The following LRMDA variants were observed in gnomAD, a reference collection of about 807,000 sequenced individuals.
LRMDA encodes the protein leucine rich melanocyte differentiation associated.
In LRMDA, 18 loss-of-function variants were observed where a neutral mutation model predicts 29.8. That is an observed-to-expected ratio of 0.60 (90% confidence interval 0.42 to 0.90). LRMDA has a LOEUF of 0.90. LRMDA is among the 40% of genes least tolerant of loss of function. The pLI, the probability that LRMDA is intolerant of heterozygous loss-of-function variation, is 0.00. For synonymous variants in LRMDA, 125 were observed against 109.4 expected (o/e 1.14, Z -0.89); for missense variants, 273 against 273.9 (o/e 1.00, Z 0.02).
chr10:75,630,906 C>A (rs924646908), intron 2 of LRMDA, among the ~76,000 whole-genome samples: 1 of 152,206 alleles, frequency 6.6e-6, no homozygotes, highest in South Asian at 2.1e-4. Flanking sequence ...TTTCCCCATC[C>A]GGAGTTTGCC....
chr10:76,297,380 G>A (rs1306135866), intron 5 of LRMDA, among the ~76,000 whole-genome samples: 2 of 152,192 alleles, frequency 1.3e-5, no homozygotes, highest in African/African-American at 4.8e-5. Flanking sequence ...GGGATACAGG[G>A]AATTTGTAGT....
chr10:75,903,461 GCAAATAA>G (rs1389651191), intron 2 of LRMDA, among the ~76,000 whole-genome samples: 2 of 152,222 alleles, frequency 1.3e-5, no homozygotes, highest in African/African-American at 4.8e-5. Flanking sequence ...AGCCATAAAA[GCAAATAA>G]AATCACTTCG....
chr10:76,450,853 T>A (rs1156255145), intron 6 of LRMDA, among the ~76,000 whole-genome samples: 2 of 152,214 alleles, frequency 1.3e-5, no homozygotes, highest in Non-Finnish European at 2.9e-5. Context: ...AGAGTCTGTT[T>A]TACAGAGTTT....
At chr10:75,980,918 C>T (rs760027596) in intron 2 of LRMDA, among the ~76,000 whole-genome samples, 2 of 152,144 alleles carry the variant, frequency 1.3e-5, no homozygotes, top group East Asian at 1.9e-4. Context: ...CCTTTGGTAA[C>T]GTGTGTGCGT....
At chr10:75,641,703 A>G (rs1841455928) in intron 2 of LRMDA, among the ~76,000 whole-genome samples, 1 of 152,056 alleles carries the variant, frequency 6.6e-6, no homozygotes, top group African/African-American at 2.4e-5. Context: ...GCCTTCCAAA[A>G]TGCTCAGATT....
At chr10:75,722,839 G>A (rs1356535245) in intron 2 of LRMDA, among the ~76,000 whole-genome samples, 1 of 152,184 alleles carries the variant, frequency 6.6e-6, no homozygotes, top group African/African-American at 2.4e-5. Flanking sequence ...TAAAACAGGA[G>A]CCAAGTTGGT....
chr10:76,005,253 A>G (rs553567624), intron 2 of LRMDA, among the ~76,000 whole-genome samples: 45 of 152,310 alleles, frequency 3.0e-4, no homozygotes, highest in Admixed American at 1.3e-3. Context: ...CTGATACATT[A>G]TGCATGTCTT....
rs531088492 is a variant in LRMDA at position 76,230,677 on chromosome 10, C to A, written c.517-93724C>A. 7.9e-5 allele frequency among the ~76,000 whole-genome samples: 12 copies of A among 152,076 alleles called. No homozygotes were observed. The South Asian group carries it at 2.5e-3, about 32-fold the overall frequency. The stretch of plus-strand genomic sequence containing the variant: ...CATATTCTTTATCTGAGCTGTCTTG[C>A]AATACTTTTAATATAATTAAAAGCA... On this transcript the variant is annotated intron_variant, in intron 5 of 6. Coordinates refer to ENST00000611255, the MANE Select transcript of LRMDA (RefSeq NM_001305581.2).
At chr10:75,524,762 A>T (rs1246173673) in intron 2 of LRMDA, among the ~76,000 whole-genome samples, 1 of 151,972 alleles carries the variant, frequency 6.6e-6, no homozygotes, top group Admixed American at 6.6e-5. Context: ...TTTTGTTCTT[A>T]TTTTTTTGGT....
intron 2 of LRMDA, among the ~76,000 whole-genome samples, chr10:75,631,578 G>T (rs1289846993): frequency 6.6e-6 from 1 of 152,014 alleles, no homozygotes; most frequent in African/African-American, 2.4e-5. Flanking sequence ...CAGCTTGGAC[G>T]GAGTGTTGCT....
intron 6 of LRMDA, among the ~76,000 whole-genome samples, chr10:76,419,090 A>G (rs140868424): frequency 6.6e-5 from 10 of 152,244 alleles, no homozygotes; most frequent in African/African-American, 2.2e-4. Context: ...ACACATTATT[A>G]TCACCCAAAG....
Position 75,917,567 on chromosome 10 carries a change from GGA to G in LRMDA, c.132-118437_132-118436del, listed in dbSNP as rs542033992. 3.9e-5 allele frequency among the ~76,000 whole-genome samples: 6 copies of G among 152,300 alleles called. 1 individual carries two copies. In the South Asian group the frequency reaches 1.2e-3, roughly 32 times the overall value. On this transcript the variant is annotated intron_variant, in intron 2 of 6. Transcript: ENST00000611255. ...CAGAACAAGGCTAAATCCGGAATCGGGAGAGTGTGACAAATATCAACGAATGG... is the reference window on the plus strand; with the variant it reads ...CAGAACAAGGCTAAATCCGGAATCGGGAGTGTGACAAATATCAACGAATGG...
intron 2 of LRMDA, among the ~76,000 whole-genome samples, chr10:76,002,857 G>A (rs1847584288): frequency 6.6e-6 from 1 of 152,208 alleles, no homozygotes; most frequent in South Asian, 2.1e-4. Context: ...AGAGTGGGCT[G>A]AGAGGCCCAG....
At chr10:76,006,461 A>G (rs527833469) in intron 2 of LRMDA, among the ~76,000 whole-genome samples, 72 of 152,256 alleles carry the variant, frequency 4.7e-4, no homozygotes, top group Non-Finnish European at 8.8e-4. Context: ...AAACCAAGTA[A>G]ACTAACTATT....
At chr10:75,523,255 T>C (rs77511396) in intron 2 of LRMDA, among the ~76,000 whole-genome samples, 2,043 of 152,230 alleles carry the variant, frequency 0.013, 34 homozygotes, top group African/African-American at 0.032. Flanking sequence ...TGCATGAGCA[T>C]GTGTGCATGC....
chr10:76,068,688 G>A (rs1223727829), intron 5 of LRMDA, among the ~76,000 whole-genome samples: 1 of 152,160 alleles, frequency 6.6e-6, no homozygotes, highest in African/African-American at 2.4e-5. Flanking sequence ...CCCCGGGATT[G>A]GTGTTGGAGA....
At chr10:75,822,285 G>A (rs1487811298) in intron 2 of LRMDA, among the ~76,000 whole-genome samples, 1 of 152,022 alleles carries the variant, frequency 6.6e-6, no homozygotes, top group Non-Finnish European at 1.5e-5. Flanking sequence ...ACAAAGAGAA[G>A]TACAAAACAC....
At chr10:75,861,761 AGT>A (rs1564589521) in intron 2 of LRMDA, among the ~76,000 whole-genome samples, 6 of 152,194 alleles carry the variant, frequency 3.9e-5, no homozygotes, top group African/African-American at 1.2e-4. Context: ...CACACTTCCT[AGT>A]AGTTCCCTTT....
chr10:75,672,656 G>T (rs1841911808), intron 2 of LRMDA, among the ~76,000 whole-genome samples: 1 of 138,060 alleles, frequency 7.2e-6, no homozygotes, highest in South Asian at 2.5e-4. Flanking sequence ...TCAGCTCACT[G>T]CCACCTCTGC....
Sources: gnomAD v4.1 joint callset for allele counts (sites outside exome capture counted in the v4.1 genomes callset) on GRCh38, gnomAD v4.1.1 for gene constraint, MANE v1.5 for transcripts, NCBI Gene and HGNC (gene_info 2026-07-23, HGNC 2026-07-21) for gene names.